The following FLT1 variants were observed in gnomAD, a reference collection of about 807,000 sequenced individuals.
The protein encoded by FLT1 is fms related receptor tyrosine kinase 1, also known as vascular endothelial growth factor receptor 1.
Under a neutral mutation model 156.3 loss-of-function variants are expected in FLT1, and 49 were observed. The observed-to-expected ratio is 0.31, with a 90% CI of 0.25 to 0.40. The LOEUF (loss-of-function observed/expected upper bound fraction) is 0.40, where lower values mean the gene tolerates loss of function less well. Ranked by LOEUF, FLT1 falls within the 10% of genes least tolerant of loss-of-function variation. The pLI, the probability that FLT1 is intolerant of heterozygous loss-of-function variation, is 1.00. For missense variants in FLT1, 1,322 were observed against 1,637.2 expected, an observed-to-expected ratio of 0.81 and a Z score of 3.32; for synonymous variants, 594 against 583.8, an observed-to-expected ratio of 1.02 and a Z score of -0.25.
chr13:28,337,229 A>G (rs796912703), intron 17 of FLT1, among the ~76,000 whole-genome samples: 67 of 151,818 alleles, frequency 4.4e-4, no homozygotes, highest in African/African-American at 1.6e-3. Context: ...CCAACCTCCA[A>G]CTGCATCCAT....
At chr13:28,358,125 C>G (rs189322688) in intron 14 of FLT1, among the ~76,000 whole-genome samples, 99 of 152,328 alleles carry the variant, frequency 6.5e-4, no homozygotes, top group African/African-American at 2.2e-3. Context: ...TACAACCAGC[C>G]TGTCAGCTAA....
chr13:28,308,981 T>G, intron 27 of FLT1, 54 bp from the exon 28 acceptor site: 2 of 1,058,456 alleles, frequency 1.9e-6, no homozygotes, highest in East Asian at 4.8e-5. Flanking sequence ...CCAGCTCTAA[T>G]GAGTCAGGAG....
At chr13:28,437,215 AGT>A (rs1477697063) in intron 4 of FLT1, among the ~76,000 whole-genome samples, 3 of 152,190 alleles carry the variant, frequency 2.0e-5, no homozygotes, top group Non-Finnish European at 4.4e-5. Flanking sequence ...ACACAAATGT[AGT>A]GGAGGCCAAA....
At chr13:28,306,106 G>A (rs1454450416) in intron 29 of FLT1, among the ~76,000 whole-genome samples, 2 of 152,198 alleles carry the variant, frequency 1.3e-5, no homozygotes, top group African/African-American at 2.4e-5. Context: ...AGTGGCATTC[G>A]GTGGTGCATA....
At chr13:28,352,056 G>A (rs1872750195) in intron 15 of FLT1, among the ~76,000 whole-genome samples, 1 of 152,318 alleles carries the variant, frequency 6.6e-6, no homozygotes, top group East Asian at 1.9e-4. Context: ...TGCAGCCCAT[G>A]AAGAGTGAGG....
intron 1 of FLT1, among the ~76,000 whole-genome samples, chr13:28,480,995 C>G (rs1880806057): frequency 6.6e-6 from 1 of 152,200 alleles, no homozygotes; most frequent in Non-Finnish European, 1.5e-5. Context: ...TGGCAGGTCA[C>G]CTAGCCAGTA....
intron 10 of FLT1, among the ~76,000 whole-genome samples, chr13:28,422,701 G>A (rs527919645): frequency 9.9e-5 from 15 of 152,236 alleles, no homozygotes; most frequent in East Asian, 1.9e-4. Context: ...ACAGATGAGC[G>A]CAAAGACCCA....
chr13:28,445,971 AT>A (rs1047303630), intron 3 of FLT1, among the ~76,000 whole-genome samples: 6 of 152,016 alleles, frequency 3.9e-5, no homozygotes, highest in African/African-American at 1.4e-4. Flanking sequence ...CCCAAGTGGG[AT>A]TTTTTTCAGG....
intron 15 of FLT1, among the ~76,000 whole-genome samples, chr13:28,357,333 G>A (rs769326996): frequency 1.3e-5 from 2 of 152,100 alleles, no homozygotes; most frequent in South Asian, 2.1e-4. Context: ...CACTGTGTTC[G>A]GATTTTGGGC....
chr13:28,454,531 C>A (rs1490680426), intron 3 of FLT1, among the ~76,000 whole-genome samples: 1 of 152,152 alleles, frequency 6.6e-6, no homozygotes, highest in Non-Finnish European at 1.5e-5. Context: ...AGCTACTTAA[C>A]CTTTCTGAGA....
chr13:28,398,964 G>T, intron 11 of FLT1: 2 of 941,120 alleles, frequency 2.1e-6, no homozygotes, highest in Non-Finnish European at 3.4e-6. Flanking sequence ...TTATTTTGAT[G>T]ATGAATCTTT....
intron 12 of FLT1, among the ~76,000 whole-genome samples, chr13:28,392,380 T>C (rs1281128617): frequency 2.0e-5 from 3 of 152,228 alleles, no homozygotes; most frequent in Non-Finnish European, 2.9e-5. Flanking sequence ...TTTTTATATT[T>C]GGGCCATTTT....
chr13:28,482,952 G>A (rs1265335665), intron 1 of FLT1, among the ~76,000 whole-genome samples: 2 of 152,204 alleles, frequency 1.3e-5, no homozygotes, highest in Non-Finnish European at 2.9e-5. Flanking sequence ...CTTTTAGCTT[G>A]TACATCAACA....
At position 28,300,521 on chromosome 13, in the gene FLT1, C is replaced by CCACACACCCACACACACACA. The variant is rs58634271; in HGVS notation, c.*2645_*2646insTGTGTGTGTGTGGGTGTGTG. The stretch of plus-strand genomic sequence containing the variant: ...AGTTATGCACAAAACACACATACAC[C>CCACACACCCACACACACACA]CACACACACACACACACACACACAC... On this transcript the variant is annotated 3_prime_UTR_variant, in exon 30 of 30. Coordinates refer to ENST00000282397, the MANE Select transcript of FLT1 (RefSeq NM_002019.4). The CCACACACCCACACACACACA allele has an allele frequency of 3.5e-5, 8 of 225,636 alleles. No homozygotes were observed. The highest frequency in any genetic ancestry group is 1.6e-4 in the African/African-American group (7 of 42,870). 14.0% of individuals were successfully genotyped at this position (225,636 alleles called of 1,614,324 possible). A position where few individuals can be genotyped will look rare whatever the true frequency, so the allele number is the denominator to read the frequency against.
At chr13:28,359,586 A>G (rs937052014) in intron 14 of FLT1, among the ~76,000 whole-genome samples, 1 of 152,236 alleles carries the variant, frequency 6.6e-6, no homozygotes, top group East Asian at 1.9e-4. Flanking sequence ...AACAATTAAT[A>G]GAGTGAAGAG....
At chr13:28,456,479 A>G (rs11840095) in intron 3 of FLT1, among the ~76,000 whole-genome samples, 10,177 of 152,198 alleles carry the variant, frequency 0.067, 1,144 homozygotes, top group African/African-American at 0.23. Flanking sequence ...TGGAAAAGGC[A>G]AAACTATGGA....
chr13:28,479,134 T>C (rs1593841667), intron 1 of FLT1, among the ~76,000 whole-genome samples: 2 of 152,206 alleles, frequency 1.3e-5, no homozygotes, highest in African/African-American at 2.4e-5. Context: ...AGAAGATCTC[T>C]ATCTTTGCAA....
At chr13:28,321,650 G>A (rs953556840) in intron 22 of FLT1, 65 bp from the exon 23 acceptor site, 3 of 1,512,174 alleles carry the variant, frequency 2.0e-6, no homozygotes, top group Admixed American at 3.3e-5. Flanking sequence ...TCCTACACCT[G>A]TCAGTGTCAT....
intron 13 of FLT1, chr13:28,389,485 G>A: frequency 7.1e-7 from 1 of 1,405,866 alleles, no homozygotes; most frequent in East Asian, 2.6e-5. Flanking sequence ...AGGCAGTGCA[G>A]GGATCCTCCA....
Sources: allele counts gnomAD v4.1 joint callset (sites outside exome capture counted in the v4.1 genomes callset), GRCh38; gene constraint gnomAD v4.1.1; transcripts MANE v1.5; gene names NCBI Gene and HGNC (gene_info 2026-07-23, HGNC 2026-07-21).